ATAD1: variants seen among roughly 807,000 people sequenced by gnomAD.
ATAD1 encodes outer mitochondrial transmembrane helix translocase.
Under a neutral mutation model 42.7 loss-of-function variants are expected in ATAD1, and 18 were observed. That is an observed-to-expected ratio of 0.42 (90% CI 0.29 to 0.63). The LOEUF (loss-of-function observed/expected upper bound fraction) is 0.63, where lower values mean the gene tolerates loss of function less well. Among genes scored for constraint, ATAD1 ranks in the 20% least tolerant of loss-of-function variants. The pLI is 0.19. For synonymous variants in ATAD1, 132 were observed against 143.1 expected (o/e 0.92, Z 0.55); for missense variants, 294 against 440.4 (o/e 0.67, Z 2.98).
At chr10:87,814,368 A>T in intron 2 of ATAD1, 70 bp downstream of exon 2, 1 of 1,444,504 alleles carries the variant, frequency 6.9e-7, no homozygotes, top group Non-Finnish European at 9.2e-7. Flanking sequence ...GAACTCTACC[A>T]AATTTTTAGT....
At chr10:87,821,354 C>T (rs1857627934), upstream of ATAD1, among the ~76,000 whole-genome samples, 2 of 151,994 alleles carry the variant, frequency 1.3e-5, no homozygotes, top group African/African-American at 4.8e-5. Flanking sequence ...ATGGTGAAAC[C>T]TTGTTTCTAC....
chr10:87,771,705 C>T (rs1231726584), intron 6 of ATAD1, among the ~76,000 whole-genome samples: 9 of 151,256 alleles, frequency 6.0e-5, no homozygotes. Flanking sequence ...TGCTGGCAGC[C>T]CTGCCAACCT....
chr10:87,761,334 C>A (rs1256466214), intron 8 of ATAD1, among the ~76,000 whole-genome samples: 2 of 152,136 alleles, frequency 1.3e-5, no homozygotes, highest in African/African-American at 4.8e-5. Flanking sequence ...AGAGACTATA[C>A]TTTGTGGTTT....
At chr10:87,760,779 T>C (rs760306204) in intron 8 of ATAD1, among the ~76,000 whole-genome samples, 5 of 152,122 alleles carry the variant, frequency 3.3e-5, no homozygotes, top group Admixed American at 3.3e-4. Flanking sequence ...ACAAAAACTA[T>C]TGCTGCTATA....
At chr10:87,827,634 G>A (rs2132104667) in intron 1 of ATAD1, among the ~76,000 whole-genome samples, 1 of 152,288 alleles carries the variant, frequency 6.6e-6, no homozygotes, top group African/African-American at 2.4e-5. Flanking sequence ...CCACAGCCAT[G>A]TAAGGCAGTG....
intron 1 of ATAD1, among the ~76,000 whole-genome samples, chr10:87,827,683 A>G (rs1016457891): frequency 2.6e-5 from 4 of 152,166 alleles, no homozygotes; most frequent in Non-Finnish European, 5.9e-5. Flanking sequence ...TCTACCAACC[A>G]GTCATTCTCC....
At chr10:87,761,962 C>T (rs1199059268) in intron 8 of ATAD1, among the ~76,000 whole-genome samples, 1 of 152,004 alleles carries the variant, frequency 6.6e-6, no homozygotes, top group Non-Finnish European at 1.5e-5. Flanking sequence ...CCGGACCTGT[C>T]TCAAACTCCT....
chr10:87,825,804 C>A (rs34627899), intron 1 of ATAD1, among the ~76,000 whole-genome samples: 15,510 of 151,046 alleles, frequency 0.1, 961 homozygotes, highest in Middle Eastern at 0.2. Flanking sequence ...TCGGCTTAAG[C>A]AATCCTCCCA....
chr10:87,831,072 C>T (rs537058304), intron 1 of ATAD1, among the ~76,000 whole-genome samples: 1 of 152,282 alleles, frequency 6.6e-6, no homozygotes, highest in African/African-American at 2.4e-5. Context: ...TTTATTTAAC[C>T]TCTCTGAGCC....
At chr10:87,776,184 G>A in intron 6 of ATAD1, 137 bp downstream of exon 6, 1 of 631,650 alleles carries the variant, frequency 1.6e-6, no homozygotes, top group South Asian at 2.0e-5. Flanking sequence ...ATATTCTTTT[G>A]GATCCTTATC....
Position 87,771,035 on chromosome 10 carries a change from C to T in ATAD1, c.697G>A (p.Val233Ile). 6.2e-7 allele frequency: 1 copy of T among 1,612,130 alleles called. No homozygotes were observed. Among genetic ancestry groups the T allele is most frequent in the Non-Finnish European group, 8.5e-7 (1 of 1,178,604 alleles). Residue 233 changes from valine (V) to isoleucine (I), a missense_variant, in exon 7 of 10, where the codon GTA becomes ATA. This residue lies in a region of ATAD1 where 142 missense variants were observed against 174.6 expected (regional missense o/e 0.81). Coordinates refer to ENST00000680024, the MANE Select transcript of ATAD1 (RefSeq NM_001321967.2). ...TGAGGACGATTGGTAGCTCCCATTA[C>T]TATGACCTAAGTGTATAAAGAAGAC... ...LDTDHSCQVI[V>I]MGATNRPQDL... is the part of the protein sequence containing the mutation.
rs778712091 is a variant in ATAD1, at chr10:87,756,935, T to C, written c.832-13A>G. 5.7e-6 allele frequency: 9 copies of C among 1,569,880 alleles called. No homozygotes were observed. Among genetic ancestry groups the C allele is most frequent in the Non-Finnish European group, 6.9e-6 (8 of 1,164,108 alleles). On this transcript the variant is annotated splice_polypyrimidine_tract_variant and intron_variant, in intron 8 of 9. Transcript: ENST00000680024. ...CATGCCTATCCACCTTAAACAAATA[T>C]AAAAACATGCTTAAAAAACAAAAAT...
chr10:87,767,742 C>T lies in ATAD1; in HGVS notation c.781-19G>A, dbSNP rs1426019335. On this transcript the variant is annotated intron_variant, in intron 7 of 9. Transcript: ENST00000680024. ...TTAAAGCCTAAAAGCAGGATAATTT[C>T]CAGTTAGCATTTTTATTTTTTATTT... The T allele has an allele frequency of 1.3e-6, 2 of 1,590,074 alleles. No individual in the cohort carries two copies. The highest frequency in any genetic ancestry group is 1.7e-6 in the Non-Finnish European group (2 of 1,171,076).
intron 1 of ATAD1, chr10:87,817,773 C>T (rs1031625174): frequency 2.4e-5 from 24 of 985,318 alleles, no homozygotes; most frequent in African/African-American, 3.5e-5. Context: ...AGGTGGTGGC[C>T]GCGCCTGTGC....
chr10:87,803,498 T>C (rs188507664), intron 2 of ATAD1, among the ~76,000 whole-genome samples: 4 of 152,362 alleles, frequency 2.6e-5, no homozygotes, highest in Admixed American at 2.6e-4. Flanking sequence ...GAGAGGCTAA[T>C]CAGAAACTCA....
intron 7 of ATAD1, among the ~76,000 whole-genome samples, chr10:87,768,712 C>T (rs986285683): frequency 6.6e-6 from 1 of 152,164 alleles, no homozygotes; most frequent in Non-Finnish European, 1.5e-5. Flanking sequence ...ATTACTCACA[C>T]GACATATTAA....
intron 6 of ATAD1, 122 bp downstream of exon 6, chr10:87,776,199 A>T: frequency 1.5e-6 from 1 of 681,196 alleles, no homozygotes; most frequent in Non-Finnish European, 2.6e-6. Context: ...CTTATCACTT[A>T]GTCATAAGTG....
chr10:87,828,821 A>G (rs1030677801), intron 1 of ATAD1, among the ~76,000 whole-genome samples: 10 of 152,250 alleles, frequency 6.6e-5, no homozygotes, highest in Non-Finnish European at 1.5e-4. Flanking sequence ...TGAAAATCCT[A>G]GGGACTTAAG....
At chr10:87,810,422 A>T (rs186233999) in intron 2 of ATAD1, among the ~76,000 whole-genome samples, 181 of 152,212 alleles carry the variant, frequency 1.2e-3, no homozygotes, top group African/African-American at 4.3e-3. Flanking sequence ...TTTTTAAAAA[A>T]TCTGAACAAT....
Sources: allele counts gnomAD v4.1 joint callset (sites outside exome capture counted in the v4.1 genomes callset), GRCh38; gene constraint gnomAD v4.1.1; regional missense constraint gnomAD v4.1.1; transcripts MANE v1.5; gene names NCBI Gene and HGNC (gene_info 2026-07-23, HGNC 2026-07-21).